The following ATXN8OS variants were observed in gnomAD, a reference collection of about 807,000 sequenced individuals.
The protein encoded by ATXN8OS is ATXN8 opposite strand lncRNA, also known as ATXN8 opposite strand (non-protein coding).
intron 2 of ATXN8OS, among the ~76,000 whole-genome samples, chr13:70,126,922 GTA>G (rs976575573): frequency 6.6e-5 from 10 of 151,362 alleles, no homozygotes; most frequent in African/African-American, 2.2e-4. Flanking sequence ...CTCTGTATCT[GTA>G]TATCTATATG....
At chr13:70,119,213 T>A (rs911486046) in intron 2 of ATXN8OS, among the ~76,000 whole-genome samples, 8 of 152,106 alleles carry the variant, frequency 5.3e-5, no homozygotes, top group African/African-American at 1.9e-4. Context: ...TTATTTCTCA[T>A]GCTTGTCTCT....
At chr13:70,109,545 TAATAA>T (rs370601351) in intron 1 of ATXN8OS, among the ~76,000 whole-genome samples, 3,543 of 152,140 alleles carry the variant, frequency 0.023, 93 homozygotes, top group African/African-American at 0.065. Flanking sequence ...TTGGACGCTT[TAATAA>T]AATAAGAAAT....
intron 4 of ATXN8OS, among the ~76,000 whole-genome samples, chr13:70,167,747 T>TTA (rs1251489968): frequency 1.2e-4 from 18 of 145,342 alleles, no homozygotes; most frequent in African/African-American, 4.7e-4. Flanking sequence ...TTTTTTTTTT[T>TTA]TTGAGACAGA....
chr13:70,121,150 T>G (rs375766914), intron 2 of ATXN8OS, among the ~76,000 whole-genome samples: 4 of 150,722 alleles, frequency 2.7e-5, no homozygotes, highest in East Asian at 3.9e-4. Flanking sequence ...AAAAATAGAA[T>G]AAGAGATAGA....
chr13:70,166,649 A>T (rs542010519), intron 4 of ATXN8OS, among the ~76,000 whole-genome samples: 4 of 152,274 alleles, frequency 2.6e-5, no homozygotes, highest in South Asian at 4.1e-4. Context: ...CAATGGCAAC[A>T]AAAGCCAAAA....
intron 4 of ATXN8OS, among the ~76,000 whole-genome samples, chr13:70,151,702 G>A (rs1407517067): frequency 6.6e-6 from 1 of 152,070 alleles, no homozygotes; most frequent in Admixed American, 6.6e-5. Context: ...TTAATTGGAA[G>A]TCACTGAATA....
At chr13:70,145,485 A>T (rs1348417722) in intron 3 of ATXN8OS, among the ~76,000 whole-genome samples, 1 of 151,990 alleles carries the variant, frequency 6.6e-6, no homozygotes, top group East Asian at 1.9e-4. Context: ...ACCCATGAGC[A>T]TGGAATGTTC....
At chr13:70,144,265 A>C (rs955325100) in intron 3 of ATXN8OS, among the ~76,000 whole-genome samples, 1 of 152,056 alleles carries the variant, frequency 6.6e-6, no homozygotes, top group Non-Finnish European at 1.5e-5. Context: ...ATTTCGCATA[A>C]ATACTTCCCA....
chr13:70,139,383 A>ACTACTACTACCGCTGCTGCTGCTGCTG, intron 3 of ATXN8OS: 1 of 455,722 alleles, frequency 2.2e-6, no homozygotes, highest in South Asian at 3.3e-5. Flanking sequence ...TACTACTACT[A>ACTACTACTACCGCTGCTGCTGCTGCTG]CTGCTGCTGC....
chr13:70,157,013 C>T (rs1393351496), intron 4 of ATXN8OS, among the ~76,000 whole-genome samples: 1 of 151,940 alleles, frequency 6.6e-6, no homozygotes, highest in Non-Finnish European at 1.5e-5. Flanking sequence ...AAATAACATA[C>T]CGTAGATATA....
At chr13:70,141,348 C>A (rs1449203781) in intron 3 of ATXN8OS, among the ~76,000 whole-genome samples, 1 of 152,178 alleles carries the variant, frequency 6.6e-6, no homozygotes, top group Non-Finnish European at 1.5e-5. Flanking sequence ...ACTCACCCAA[C>A]TGCATGTGGC....
At chr13:70,136,656 C>A (rs1888620440) in intron 3 of ATXN8OS, among the ~76,000 whole-genome samples, 1 of 152,074 alleles carries the variant, frequency 6.6e-6, no homozygotes, top group Non-Finnish European at 1.5e-5. Context: ...CCTCTAGACT[C>A]ATACATGAGA....
intron 2 of ATXN8OS, among the ~76,000 whole-genome samples, chr13:70,127,208 G>C (rs1042430115): frequency 6.6e-6 from 1 of 151,820 alleles, no homozygotes; most frequent in African/African-American, 2.4e-5. Context: ...ATTTGGATAT[G>C]CATCAATCCT....
At chr13:70,165,229 C>G (rs1292103147) in intron 4 of ATXN8OS, among the ~76,000 whole-genome samples, 1 of 151,196 alleles carries the variant, frequency 6.6e-6, no homozygotes, top group East Asian at 1.9e-4. Flanking sequence ...GAAATAAGAG[C>G]ATAGAAGAGT....
intron 4 of ATXN8OS, among the ~76,000 whole-genome samples, chr13:70,161,513 G>A (rs1889008555): frequency 6.6e-6 from 1 of 152,032 alleles, no homozygotes. Flanking sequence ...CTGTACTTAA[G>A]CATCATTTTT....
intron 4 of ATXN8OS, among the ~76,000 whole-genome samples, chr13:70,148,088 TC>T (rs1427758054): frequency 6.6e-6 from 1 of 152,030 alleles, no homozygotes; most frequent in Admixed American, 6.6e-5. Flanking sequence ...AAGGTTCTTA[TC>T]ATGTGAAGGA....
intron 4 of ATXN8OS, among the ~76,000 whole-genome samples, chr13:70,163,887 T>C (rs1312441286): frequency 1.6e-5 from 2 of 128,496 alleles, no homozygotes; most frequent in Non-Finnish European, 3.2e-5. Flanking sequence ...GAAATCATGG[T>C]TTTTTTTTTA....
intron 1 of ATXN8OS, among the ~76,000 whole-genome samples, chr13:70,112,954 G>A (rs1452639645): frequency 4.1e-5 from 5 of 122,584 alleles, no homozygotes; most frequent in Admixed American, 2.2e-4. Flanking sequence ...ATGGAGTCTC[G>A]CTCTGTCGCC....
intron 3 of ATXN8OS, among the ~76,000 whole-genome samples, chr13:70,140,869 C>G (rs1888705175): frequency 6.6e-6 from 1 of 151,782 alleles, no homozygotes; most frequent in Admixed American, 6.6e-5. Flanking sequence ...GGCCAGGTTT[C>G]TACTTGAGAT....
Sources: allele counts gnomAD v4.1 joint callset (sites outside exome capture counted in the v4.1 genomes callset), GRCh38; gene constraint gnomAD v4.1.1; transcripts MANE v1.5; gene names NCBI Gene and HGNC (gene_info 2026-07-23, HGNC 2026-07-21).